PDZRN4: variants seen among roughly 807,000 people sequenced by gnomAD.
PDZRN4 encodes PDZ domain-containing RING finger protein 4.
A neutral mutation model predicts 99.0 loss-of-function variants in PDZRN4; 70 were observed. The ratio of observed to expected loss-of-function variants is 0.71; its 90% confidence interval spans 0.58 to 0.86. The LOEUF is 0.86. Ranked by LOEUF, PDZRN4 falls within the 40% of genes least tolerant of loss-of-function variation. The pLI, the probability that PDZRN4 is intolerant of heterozygous loss-of-function variation, is 0.00. For synonymous variants in PDZRN4, 551 were observed against 501.6 expected (o/e 1.10, Z -1.32); for missense variants, 1,474 against 1,331.2 (o/e 1.11, Z -1.67).
At chr12:41,496,381 T>G (rs2120645281) in intron 3 of PDZRN4, among the ~76,000 whole-genome samples, 1 of 152,272 alleles carries the variant, frequency 6.6e-6, no homozygotes, top group East Asian at 1.9e-4. Context: ...TTGTTTTTAT[T>G]TGATCCTATC....
At chr12:41,309,155 A>T (rs1475621144) in intron 3 of PDZRN4, among the ~76,000 whole-genome samples, 1 of 152,196 alleles carries the variant, frequency 6.6e-6, no homozygotes, top group Admixed American at 6.5e-5. Flanking sequence ...GGCCTTCCTA[A>T]GTACCACAAG....
At chr12:41,449,812 A>C (rs1290346697) in intron 3 of PDZRN4, among the ~76,000 whole-genome samples, 2 of 152,170 alleles carry the variant, frequency 1.3e-5, no homozygotes, top group Non-Finnish European at 2.9e-5. Flanking sequence ...AATTGAATTC[A>C]CTATTTTGTG....
intron 3 of PDZRN4, among the ~76,000 whole-genome samples, chr12:41,424,784 A>G (rs566230979): frequency 2.0e-5 from 3 of 152,276 alleles, no homozygotes; most frequent in Admixed American, 6.5e-5. Context: ...TATTTCCACT[A>G]TGTGACTTTG....
chr12:41,486,711 C>G (rs1221755684), intron 3 of PDZRN4, among the ~76,000 whole-genome samples: 1 of 152,022 alleles, frequency 6.6e-6, no homozygotes, highest in Non-Finnish European at 1.5e-5. Flanking sequence ...GGGGGGAGAG[C>G]TTTCTCGGAA....
At chr12:41,553,945 T>C (rs1939100649) in intron 6 of PDZRN4, among the ~76,000 whole-genome samples, 1 of 152,142 alleles carries the variant, frequency 6.6e-6, no homozygotes, top group Non-Finnish European at 1.5e-5. Flanking sequence ...CTTATTGTTT[T>C]GATAGACCTG....
chr12:41,351,394 A>G (rs1025586273), intron 3 of PDZRN4, among the ~76,000 whole-genome samples: 2 of 152,084 alleles, frequency 1.3e-5, no homozygotes, highest in Non-Finnish European at 2.9e-5. Flanking sequence ...AGAGGAGTGT[A>G]TGAGTTCGTT....
At chr12:41,384,331 T>C (rs528768948) in intron 3 of PDZRN4, among the ~76,000 whole-genome samples, 81 of 152,286 alleles carry the variant, frequency 5.3e-4, no homozygotes, top group Middle Eastern at 6.8e-3. Flanking sequence ...CCACTCACAG[T>C]ATAAACAATG....
intron 3 of PDZRN4, among the ~76,000 whole-genome samples, chr12:41,295,887 C>A (rs1048967885): frequency 6.6e-6 from 1 of 152,002 alleles, no homozygotes; most frequent in Non-Finnish European, 1.5e-5. Context: ...AATAAATCAG[C>A]AGTTTACAAA....
chr12:41,418,851 G>A (rs186580200), intron 3 of PDZRN4, among the ~76,000 whole-genome samples: 3 of 152,134 alleles, frequency 2.0e-5, no homozygotes, highest in Non-Finnish European at 4.4e-5. Context: ...TGTCAGCTGG[G>A]GGGTAACTGC....
At chr12:41,515,471 G>A (rs867024804) in intron 5 of PDZRN4, among the ~76,000 whole-genome samples, 24 of 152,038 alleles carry the variant, frequency 1.6e-4, no homozygotes, top group African/African-American at 5.1e-4. Flanking sequence ...GTTCCTTTGG[G>A]AAATTTACTG....
chr12:41,382,824 G>T (rs1952137077), intron 3 of PDZRN4, among the ~76,000 whole-genome samples: 1 of 152,122 alleles, frequency 6.6e-6, no homozygotes, highest in Non-Finnish European at 1.5e-5. Context: ...TGTTAAGAAA[G>T]GGCTACTACT....
intron 3 of PDZRN4, among the ~76,000 whole-genome samples, chr12:41,252,753 C>CA (rs2120812190): frequency 6.6e-6 from 1 of 152,018 alleles, no homozygotes; most frequent in Non-Finnish European, 1.5e-5. Flanking sequence ...AGAAAAAAGG[C>CA]AAAACAGTCT....
chr12:41,300,216 A>AT (rs1191475988), intron 3 of PDZRN4, among the ~76,000 whole-genome samples: 2 of 152,004 alleles, frequency 1.3e-5, no homozygotes, highest in East Asian at 3.9e-4. Context: ...TTTAATATAC[A>AT]TTTACTTTTG....
Position 41,188,448 on chromosome 12 carries a change from T to A in PDZRN4, c.-8T>A, listed in dbSNP as rs1950707923. ...GCTTTCGCTCCCCCTTTCTTCCCCATCCCTAACATGGGCTTTGCCCTGGAG... is the reference window on the plus strand; with the variant it reads ...GCTTTCGCTCCCCCTTTCTTCCCCAACCCTAACATGGGCTTTGCCCTGGAG... On this transcript the variant is annotated 5_prime_UTR_variant, in exon 1 of 10. Transcript: ENST00000402685. The A allele has an allele frequency of 1.3e-6, 2 of 1,574,464 alleles. No individual in the cohort carries two copies. The highest frequency in any genetic ancestry group is 2.3e-5 in the South Asian group (2 of 88,574).
At chr12:41,218,885 A>T (rs866225473) in intron 3 of PDZRN4, among the ~76,000 whole-genome samples, 1 of 151,962 alleles carries the variant, frequency 6.6e-6, no homozygotes. Flanking sequence ...TTTTACACAT[A>T]AGTCTCTACA....
chr12:41,210,400 T>C (rs1950880725), intron 3 of PDZRN4, among the ~76,000 whole-genome samples: 2 of 152,026 alleles, frequency 1.3e-5, no homozygotes, highest in African/African-American at 2.4e-5. Context: ...TGGCAAGTTT[T>C]CTATAGAAAG....
chr12:41,373,328 T>C (rs1278560556), intron 3 of PDZRN4, among the ~76,000 whole-genome samples: 1 of 152,184 alleles, frequency 6.6e-6, no homozygotes, highest in Non-Finnish European at 1.5e-5. Flanking sequence ...GGGAATTTCC[T>C]CATCCTAATA....
chr12:41,192,990 G>A (rs955744936), intron 2 of PDZRN4, among the ~76,000 whole-genome samples: 2 of 152,194 alleles, frequency 1.3e-5, no homozygotes, highest in Non-Finnish European at 1.5e-5. Flanking sequence ...TGAAATTTTT[G>A]CATCCTGCAT....
intron 3 of PDZRN4, among the ~76,000 whole-genome samples, chr12:41,246,289 A>T (rs1388666659): frequency 6.6e-6 from 1 of 152,196 alleles, no homozygotes; most frequent in Non-Finnish European, 1.5e-5. Flanking sequence ...AAACAATTGT[A>T]CAGTTAATTG....
Sources: allele counts gnomAD v4.1 joint callset (sites outside exome capture counted in the v4.1 genomes callset), GRCh38; gene constraint gnomAD v4.1.1; transcripts MANE v1.5; gene names NCBI Gene and HGNC (gene_info 2026-07-23, HGNC 2026-07-21).